Variants in EZH1 observed in about 807,000 individuals in gnomAD.
EZH1 encodes the protein enhancer of zeste 1 polycomb repressive complex 2 subunit, also known as histone-lysine N-methyltransferase EZH1.
In EZH1, 33 loss-of-function variants were observed where a neutral mutation model predicts 100.5. The ratio of observed to expected loss-of-function variants is 0.33; its 90% CI spans 0.25 to 0.44. EZH1 has a LOEUF of 0.44. Among genes scored for constraint, EZH1 ranks in the 20% least tolerant of loss-of-function variants. The probability of loss-of-function intolerance (pLI) is 1.00; values close to 1 mark genes in which losing one functional copy is unlikely to be tolerated. For synonymous variants in EZH1, 272 were observed against 313.8 expected, an observed-to-expected ratio of 0.87 and a Z score of 1.41; for missense variants, 475 against 928.4, an observed-to-expected ratio of 0.51 and a Z score of 6.35.
chr17:42,703,042 C>A, intron 19 of EZH1, 81 bp from the exon 20 acceptor site: 1 of 1,361,118 alleles, frequency 7.3e-7, no homozygotes, highest in Non-Finnish European at 1.0e-6. Flanking sequence ...TGATTTTCTC[C>A]AAATTCCCAG....
At chr17:42,709,012 T>C in intron 13 of EZH1, 96 bp from the exon 14 acceptor site, 1 of 1,396,488 alleles carries the variant, frequency 7.2e-7, no homozygotes, top group South Asian at 1.2e-5. Context: ...GGGACTGTGT[T>C]TGATGACTGG....
At chr17:42,743,292 T>C (rs925396991) in intron 1 of EZH1, among the ~76,000 whole-genome samples, 2 of 149,744 alleles carry the variant, frequency 1.3e-5, no homozygotes, top group African/African-American at 2.5e-5. Context: ...GCCTCAGCCC[T>C]CCCGAGTAGC....
At chr17:42,737,630 ATTCTTTCTTTTTT>A (rs2054091666) in intron 1 of EZH1, among the ~76,000 whole-genome samples, 1 of 152,038 alleles carries the variant, frequency 6.6e-6, no homozygotes, top group Non-Finnish European at 1.5e-5. Context: ...CAAACAAACT[ATTCTTTCTTTTTT>A]TTCTTTCTTA....
rs937102893 is a variant in EZH1, at chr17:42,701,524, C to A, written c.*1008G>T. 4.6e-5 allele frequency: 7 copies of A among 152,864 alleles called. No homozygotes were observed. Among genetic ancestry groups the A allele is most frequent in the Admixed American group, 3.9e-4 (6 of 15,288 alleles). The allele number at this position is 152,864 out of a possible 1,614,324, so 9.5% of individuals were successfully genotyped here. ...ACTACAGACAGGAAAGCAGATTACACCAATCTTTCTCCTCTCTAGTCCAAG... is the reference window on the plus strand; with the variant it reads ...ACTACAGACAGGAAAGCAGATTACAACAATCTTTCTCCTCTCTAGTCCAAG... On this transcript the variant is annotated 3_prime_UTR_variant, in exon 21 of 21. Coordinates refer to ENST00000428826, the MANE Select transcript of EZH1 (RefSeq NM_001991.5).
intron 1 of EZH1, among the ~76,000 whole-genome samples, chr17:42,737,127 A>C (rs966393145): frequency 6.6e-6 from 1 of 152,028 alleles, no homozygotes; most frequent in Non-Finnish European, 1.5e-5. Context: ...CTGGGATTAC[A>C]GGCACATGCC....
At chr17:42,710,068 G>A in intron 12 of EZH1, 131 bp from the exon 13 acceptor site, 1 of 697,630 alleles carries the variant, frequency 1.4e-6, no homozygotes, top group Non-Finnish European at 2.5e-6. Context: ...CAGTCAGGGA[G>A]AGACAGAGTG....
intron 1 of EZH1, among the ~76,000 whole-genome samples, chr17:42,739,727 C>CA (rs551247872): frequency 1.5e-4 from 21 of 144,354 alleles, no homozygotes; most frequent in South Asian, 8.7e-4. Context: ...AATTCTGTCT[C>CA]AAAAAAAAAA....
At position 42,713,328 on chromosome 17, in the gene EZH1, C is replaced by T. The variant is rs774145217; in HGVS notation, c.1085G>A (p.Arg362Gln). 10 of 1,612,200 alleles carry T rather than the reference C, an allele frequency of 6.2e-6. No homozygotes were observed. Among genetic ancestry groups the T allele is most frequent in the East Asian group, 2.2e-5 (1 of 44,820 alleles). The change falls in exon 11 of 21, where the codon CGG becomes CAG. Residue 362 changes from arginine to glutamine, a missense_variant. By Grantham distance (43) the Arg-to-Gln change is conservative (BLOSUM62 1). This residue lies in a region of EZH1 where 180 missense variants were observed against 295.3 expected (regional missense o/e 0.61). Transcript: ENST00000428826. ...NPRSKCSGRR[R>Q]RRHHIVSASC... ...AGCACTGACTATGTGGTGCCTTCTC[C>T]GGCGACGACCAGAGCACTTGGAGCG...
At position 42,712,499 on chromosome 17, in the gene EZH1, A is replaced by G. The variant is rs746693867; in HGVS notation, c.1205-14T>C. 8 of 1,607,970 alleles carry G rather than the reference A, an allele frequency of 5.0e-6. No homozygotes were observed. Among genetic ancestry groups the G allele is most frequent in the Non-Finnish European group, 5.9e-6 (7 of 1,177,360 alleles). On this transcript the variant is annotated splice_polypyrimidine_tract_variant and intron_variant, in intron 11 of 20. Coordinates refer to ENST00000428826, the MANE Select transcript of EZH1 (RefSeq NM_001991.5). ...GAGAGTTAGCCTCTGAGAAGGGAAGAAATAACAGAATCAGAAGAAGGTAGA... is the reference window on the plus strand; with the variant it reads ...GAGAGTTAGCCTCTGAGAAGGGAAGGAATAACAGAATCAGAAGAAGGTAGA...
rs752781765 is a variant in EZH1 at position 42,705,121 on chromosome 17, C to T, written c.1902G>A (p.Gln634=). Residue 634 remains glutamine (Q), a synonymous_variant, in exon 17 of 21, where the codon CAG becomes CAA. Transcript: ENST00000428826. ...GWGTFIKESV[Q]KNEFISEYCG... is the part of the protein sequence containing the mutation. Reference sequence around the variant, plus strand: ...AGTATTCAGAAATGAATTCGTTCTTCTGCACAGACTCCTTTATGAAGGTGC... The same window carrying T: ...AGTATTCAGAAATGAATTCGTTCTTTTGCACAGACTCCTTTATGAAGGTGC... 1.9e-6 allele frequency: 3 copies of T among 1,613,806 alleles called. No individual in the cohort carries two copies. The highest frequency in any genetic ancestry group is 2.5e-6 in the Non-Finnish European group (3 of 1,179,836).
rs1426226188 is a variant in EZH1 at position 42,702,911 on chromosome 17, T to C, written c.2149A>G (p.Ile717Val). The C allele has an allele frequency of 1.9e-6, 3 of 1,614,084 alleles. No homozygotes were observed. Among genetic ancestry groups the C allele is most frequent in the South Asian group, 1.1e-5 (1 of 91,086 alleles). ...AAGAAGAGCTCTTCGCCAGCTTGAA[T>C]TGCCCTCTTGGCAAAGATCCCAATC... Reference protein sequence around the residue: ...HRIGIFAKRAIQAGEELFFDY... With the variant: ...HRIGIFAKRAVQAGEELFFDY... The change falls in exon 20 of 21, where the codon ATT (isoleucine) becomes GTT (valine). Residue 717 changes from isoleucine to valine, a missense_variant. Transcript: ENST00000428826.
chr17:42,712,712 G>C (rs957673894), intron 11 of EZH1, among the ~76,000 whole-genome samples: 1 of 151,914 alleles, frequency 6.6e-6, no homozygotes, highest in Non-Finnish European at 1.5e-5. Flanking sequence ...AGACCAGCCT[G>C]GGCAACATGG....
intron 12 of EZH1, among the ~76,000 whole-genome samples, chr17:42,711,761 T>C (rs1246407308): frequency 1.4e-5 from 2 of 145,618 alleles, no homozygotes; most frequent in Admixed American, 6.8e-5. Flanking sequence ...CAGTGAGCTA[T>C]GATCATGCCA....
intron 1 of EZH1, among the ~76,000 whole-genome samples, chr17:42,740,316 T>G (rs1310008294): frequency 6.6e-6 from 1 of 151,550 alleles, no homozygotes; most frequent in Non-Finnish European, 1.5e-5. Flanking sequence ...CTCAGCTCAC[T>G]GCAACCTCCG....
At chr17:42,730,536 G>T (rs1180289707) in intron 2 of EZH1, among the ~76,000 whole-genome samples, 3 of 110,392 alleles carry the variant, frequency 2.7e-5, no homozygotes, top group Non-Finnish European at 5.0e-5. Context: ...TCGCTCTGTC[G>T]CCCAGGCTGG....
rs187189111 is a variant in EZH1 at position 42,700,582 on chromosome 17, T to A, written c.*1950A>T. The stretch of plus-strand genomic sequence containing the variant: ...AGTCTCTCAAAGGCTGGTGAAAAGT[T>A]TTTTTTCACCTATTCCTCACAGCGA... On this transcript the variant is annotated 3_prime_UTR_variant, in exon 21 of 21. Coordinates refer to ENST00000428826, the MANE Select transcript of EZH1 (RefSeq NM_001991.5). 6.6e-6 allele frequency: 1 copy of A among 152,314 alleles called. No homozygotes were observed. Among genetic ancestry groups the A allele is most frequent in the Non-Finnish European group, 1.5e-5 (1 of 68,038 alleles). The allele number at this position is 152,314 out of a possible 1,614,324, so 9.4% of individuals were successfully genotyped here.
chr17:42,728,228 C>T (rs928051860), intron 3 of EZH1, among the ~76,000 whole-genome samples: 1 of 151,198 alleles, frequency 6.6e-6, no homozygotes, highest in Non-Finnish European at 1.5e-5. Flanking sequence ...ATTCTCCTGC[C>T]TCAGCCTCCC....
chr17:42,712,246 G>A (rs757225914), intron 12 of EZH1, 43 bp downstream of exon 12: 19 of 1,592,120 alleles, frequency 1.2e-5, no homozygotes, highest in Middle Eastern at 2.2e-4. Context: ...AGAGCAATGC[G>A]TGAAAGGAGG....
chr17:42,729,008 T>TA, intron 2 of EZH1, 56 bp from the exon 3 acceptor site: 1 of 1,324,144 alleles, frequency 7.6e-7, no homozygotes, highest in South Asian at 1.5e-5. Context: ...AAAGCATTCC[T>TA]CAAATACAAA....
Sources: gnomAD v4.1 joint callset for allele counts (sites outside exome capture counted in the v4.1 genomes callset) on GRCh38, gnomAD v4.1.1 for gene constraint, gnomAD v4.1.1 regional missense constraint, MANE v1.5 for transcripts, NCBI Gene and HGNC (gene_info 2026-07-23, HGNC 2026-07-21) for gene names.